The following ARHGAP15 variants were observed in gnomAD, a reference collection of about 807,000 sequenced individuals.
The protein encoded by ARHGAP15 is rho GTPase-activating protein 15.
In ARHGAP15, 51 loss-of-function variants were observed where a neutral mutation model predicts 63.7. The ratio of observed to expected loss-of-function variants is 0.80; its 90% CI spans 0.64 to 1.01. ARHGAP15 has a LOEUF of 1.01. Ranked by LOEUF, ARHGAP15 falls within the 50% of genes least tolerant of loss-of-function variation. ARHGAP15 has a pLI of 0.00. For missense variants in ARHGAP15, 560 were observed against 564.6 expected, an observed-to-expected ratio of 0.99 and a Z score of 0.08; for synonymous variants, 191 against 193.8, an observed-to-expected ratio of 0.99 and a Z score of 0.12.
At chr2:143,580,002 G>T (rs1696831883) in intron 11 of ARHGAP15, among the ~76,000 whole-genome samples, 1 of 141,602 alleles carries the variant, frequency 7.1e-6, no homozygotes, top group Admixed American at 7.0e-5. Context: ...CAAAACATTT[G>T]TTTTATTAAG....
At chr2:143,480,480 G>T (rs1247071267) in intron 8 of ARHGAP15, among the ~76,000 whole-genome samples, 1 of 152,140 alleles carries the variant, frequency 6.6e-6, no homozygotes, top group Non-Finnish European at 1.5e-5. Flanking sequence ...TGTCTATTTT[G>T]TATTTCCACA....
chr2:143,404,571 A>AG (rs34093747), intron 6 of ARHGAP15, among the ~76,000 whole-genome samples: 246 of 152,018 alleles, frequency 1.6e-3, no homozygotes, highest in Non-Finnish European at 3.0e-3. Context: ...GGTTTCCTTT[A>AG]GGTTAGTATT....
intron 4 of ARHGAP15, among the ~76,000 whole-genome samples, chr2:143,222,721 T>G (rs1164440904): frequency 6.6e-6 from 1 of 152,152 alleles, no homozygotes; most frequent in African/African-American, 2.4e-5. Context: ...TGGGCTTTGA[T>G]TTTGTTTTTG....
At chr2:143,360,023 GGTGAGAAAAGAAA>G (rs1306305220) in intron 6 of ARHGAP15, among the ~76,000 whole-genome samples, 1 of 152,018 alleles carries the variant, frequency 6.6e-6, no homozygotes, top group Non-Finnish European at 1.5e-5. Flanking sequence ...TTTGTTCTCA[GGTGAGAAAAGAAA>G]GTGAGAAAAT....
Position 143,669,320 on chromosome 2 carries a change from TC to T in ARHGAP15, c.1139-34096del, listed in dbSNP as rs1292440632. 7.2e-5 allele frequency among the ~76,000 whole-genome samples: 11 copies of T among 152,318 alleles called. No homozygotes were observed. In the East Asian group the frequency reaches 2.1e-3, roughly 29 times the overall value. On this transcript the variant is annotated intron_variant, in intron 12 of 13. Coordinates refer to ENST00000295095, the MANE Select transcript of ARHGAP15 (RefSeq NM_018460.4). Reference sequence around the variant, plus strand: ...CTTACCCACTGTACTATATTACCTCTCCCATGTCTCCTATTTTGAGGCATAG... The same window carrying T: ...CTTACCCACTGTACTATATTACCTCTCCATGTCTCCTATTTTGAGGCATAG...
chr2:143,661,826 C>G (rs188676024), intron 12 of ARHGAP15, among the ~76,000 whole-genome samples: 188 of 152,304 alleles, frequency 1.2e-3, no homozygotes, highest in Non-Finnish European at 2.1e-3. Context: ...CCTGGAAAAT[C>G]GGGTCACTCC....
intron 6 of ARHGAP15, among the ~76,000 whole-genome samples, chr2:143,279,648 C>T (rs7420649): frequency 6.6e-6 from 1 of 152,100 alleles, no homozygotes; most frequent in Non-Finnish European, 1.5e-5. Context: ...CAAGAATTCT[C>T]AGTTTTGGTT....
chr2:143,524,591 A>G (rs1227422112), intron 10 of ARHGAP15, among the ~76,000 whole-genome samples: 1 of 152,190 alleles, frequency 6.6e-6, no homozygotes, highest in African/African-American at 2.4e-5. Context: ...AATTATTATT[A>G]TACCTTAACT....
intron 5 of ARHGAP15, among the ~76,000 whole-genome samples, chr2:143,244,180 CA>C (rs1184873006): frequency 1.3e-5 from 2 of 152,076 alleles, no homozygotes; most frequent in African/African-American, 4.8e-5. Context: ...CAATAGTTCA[CA>C]AATAACTGTT....
intron 6 of ARHGAP15, among the ~76,000 whole-genome samples, chr2:143,417,467 T>C (rs1040168416): frequency 6.6e-6 from 1 of 152,210 alleles, no homozygotes; most frequent in Non-Finnish European, 1.5e-5. Context: ...TCTGTACTTG[T>C]CTGTACTTAA....
intron 5 of ARHGAP15, among the ~76,000 whole-genome samples, chr2:143,231,088 T>C (rs1574124813): frequency 1.3e-5 from 2 of 150,390 alleles, no homozygotes; most frequent in African/African-American, 2.4e-5. Flanking sequence ...TTTTTTTTTT[T>C]ACCACTCATT....
At chr2:143,535,716 A>G (rs1344254617) in intron 10 of ARHGAP15, among the ~76,000 whole-genome samples, 1 of 152,222 alleles carries the variant, frequency 6.6e-6, no homozygotes, top group Non-Finnish European at 1.5e-5. Flanking sequence ...TTCAAACTCA[A>G]TGGAGTTTCT....
intron 7 of ARHGAP15, 87 bp from the exon 8 acceptor site, chr2:143,436,826 C>T (rs1446898840): frequency 3.5e-6 from 5 of 1,435,998 alleles, no homozygotes; most frequent in African/African-American, 1.4e-5. Flanking sequence ...CAAATTTCCC[C>T]ATAAACAGCA....
chr2:143,303,459 A>C (rs989451802), intron 6 of ARHGAP15, among the ~76,000 whole-genome samples: 1 of 152,068 alleles, frequency 6.6e-6, no homozygotes, highest in Non-Finnish European at 1.5e-5. Flanking sequence ...CTTATATAAA[A>C]ATTAATTCAA....
chr2:143,182,331 A>C (rs1691271672), intron 2 of ARHGAP15, among the ~76,000 whole-genome samples: 1 of 152,162 alleles, frequency 6.6e-6, no homozygotes, highest in Non-Finnish European at 1.5e-5. Flanking sequence ...GGTATCTCAG[A>C]GAATAGGGAG....
At chr2:143,133,021 A>G (rs1039976175) in intron 1 of ARHGAP15, among the ~76,000 whole-genome samples, 2 of 152,232 alleles carry the variant, frequency 1.3e-5, no homozygotes, top group African/African-American at 4.8e-5. Flanking sequence ...ATAAGAAGAT[A>G]CAGAGAATGC....
At chr2:143,731,236 C>G (rs1404497258) in intron 13 of ARHGAP15, among the ~76,000 whole-genome samples, 14 of 152,092 alleles carry the variant, frequency 9.2e-5, no homozygotes, top group Admixed American at 9.2e-4. Flanking sequence ...AATAAACTAC[C>G]TTGAAGGCAT....
intron 5 of ARHGAP15, among the ~76,000 whole-genome samples, chr2:143,246,909 G>A (rs1167431650): frequency 6.6e-6 from 1 of 152,162 alleles, no homozygotes; most frequent in African/African-American, 2.4e-5. Flanking sequence ...GCAAGAGACG[G>A]GCAAGGTCCT....
chr2:143,317,336 A>G (rs2381462), intron 6 of ARHGAP15, among the ~76,000 whole-genome samples: 105,457 of 152,128 alleles, frequency 0.69, 37,427 homozygotes, highest in African/African-American at 0.85. Flanking sequence ...TATTCATTGA[A>G]CACCTAATAT....
Sources: gnomAD v4.1 joint callset for allele counts (sites outside exome capture counted in the v4.1 genomes callset) on GRCh38, gnomAD v4.1.1 for gene constraint, MANE v1.5 for transcripts, NCBI Gene and HGNC (gene_info 2026-07-23, HGNC 2026-07-21) for gene names.